The following XKR9 variants were observed in gnomAD, a reference collection of about 807,000 sequenced individuals.
The protein encoded by XKR9 is XK-related protein 9.
In XKR9, 32 loss-of-function variants were observed where a neutral mutation model predicts 32.0. The ratio of observed to expected loss-of-function variants is 1.00; its 90% confidence interval spans 0.76 to 1.34. The LOEUF (loss-of-function observed/expected upper bound fraction) is 1.34, where lower values mean the gene tolerates loss of function less well. XKR9 is among the 40% of genes most tolerant of loss of function. XKR9 has a pLI of 0.00. For missense variants in XKR9, 546 were observed against 429.7 expected (o/e 1.27, Z -2.39); for synonymous variants, 168 against 143.4 (o/e 1.17, Z -1.22).
At chr8:70,970,848 G>A in the XKR9 span, among the ~76,000 whole-genome samples, 4 of 152,074 alleles carry the variant, frequency 2.6e-5, no homozygotes, top group Admixed American at 6.6e-5. Context: ...GCTTTTACAC[G>A]GTTGGTAGGA....
chr8:70,848,611 T>A, the XKR9 span, among the ~76,000 whole-genome samples: 5 of 152,002 alleles, frequency 3.3e-5, no homozygotes, highest in African/African-American at 1.2e-4. Context: ...AAAATTGTCA[T>A]GCAAAAATTG....
At chr8:70,781,846 G>T (rs1807621484) in intron 2 of XKR9, among the ~76,000 whole-genome samples, 1 of 152,158 alleles carries the variant, frequency 6.6e-6, no homozygotes, top group South Asian at 2.1e-4. Flanking sequence ...AGAAAGATTA[G>T]TTCCATAAAA....
chr8:70,993,150 G>A, the XKR9 span, among the ~76,000 whole-genome samples: 526 of 151,266 alleles, frequency 3.5e-3, 4 homozygotes, highest in African/African-American at 0.012. Flanking sequence ...GTAAATCCTG[G>A]TGTCTGTTTA....
intron 4 of XKR9, among the ~76,000 whole-genome samples, chr8:70,713,062 T>A (rs528481680): frequency 6.6e-6 from 1 of 152,224 alleles, no homozygotes; most frequent in East Asian, 1.9e-4. Context: ...AAAGATGAAC[T>A]TGAAAATATG....
At chr8:70,924,931 A>AAAAGAAAC in the XKR9 span, among the ~76,000 whole-genome samples, 1 of 152,218 alleles carries the variant, frequency 6.6e-6, no homozygotes, top group East Asian at 1.9e-4. Flanking sequence ...GAGCTGGGAT[A>AAAAGAAAC]TGGGCTCTCC....
chr8:70,984,608 C>T, the XKR9 span, among the ~76,000 whole-genome samples: 1 of 151,906 alleles, frequency 6.6e-6, no homozygotes, highest in African/African-American at 2.4e-5. Context: ...TTTAAATGGG[C>T]AAAGGGAAAA....
chr8:70,681,683 A>C (rs1187972026), intron 3 of XKR9, among the ~76,000 whole-genome samples: 2 of 152,078 alleles, frequency 1.3e-5, no homozygotes, highest in African/African-American at 4.8e-5. Flanking sequence ...GAGAGTACTC[A>C]CTTTTTTGAT....
the XKR9 span, among the ~76,000 whole-genome samples, chr8:70,856,056 G>T: frequency 4.6e-5 from 7 of 152,192 alleles, no homozygotes; most frequent in Admixed American, 4.6e-4. Flanking sequence ...AGGCTAGGAA[G>T]AAACTGCATC....
intron 4 of XKR9, among the ~76,000 whole-genome samples, chr8:70,725,888 A>G (rs1037789838): frequency 1.3e-5 from 2 of 152,210 alleles, no homozygotes; most frequent in African/African-American, 4.8e-5. Flanking sequence ...CCTGGATGAC[A>G]CAGTGAGACT....
the XKR9 span, among the ~76,000 whole-genome samples, chr8:70,995,615 T>A: frequency 6.6e-6 from 1 of 152,186 alleles, no homozygotes; most frequent in Admixed American, 6.5e-5. Flanking sequence ...TCCATTGATA[T>A]GTTGTTATGG....
intron 2 of XKR9, among the ~76,000 whole-genome samples, chr8:70,752,732 C>A (rs1011043590): frequency 3.9e-5 from 6 of 152,162 alleles, no homozygotes; most frequent in Admixed American, 3.9e-4. Context: ...AACAAAGACA[C>A]AACATACCAG....
At chr8:70,973,759 T>C in the XKR9 span, among the ~76,000 whole-genome samples, 1 of 152,200 alleles carries the variant, frequency 6.6e-6, no homozygotes, top group Non-Finnish European at 1.5e-5. Flanking sequence ...TTTCCATGTA[T>C]TTGTATAGTT....
At chr8:71,036,125 TATATGAA>T in the XKR9 span, among the ~76,000 whole-genome samples, 1 of 152,212 alleles carries the variant, frequency 6.6e-6, no homozygotes, top group Admixed American at 6.5e-5. Context: ...CATGTAAACT[TATATGAA>T]ATACATTTAT....
the XKR9 span, among the ~76,000 whole-genome samples, chr8:70,805,303 C>G: frequency 6.6e-6 from 1 of 152,210 alleles, no homozygotes; most frequent in Non-Finnish European, 1.5e-5. Context: ...CTCGTGTACC[C>G]ACGCCACTGG....
the XKR9 span, among the ~76,000 whole-genome samples, chr8:70,795,801 C>T: frequency 1.7e-4 from 26 of 151,844 alleles, no homozygotes; most frequent in African/African-American, 6.3e-4. Flanking sequence ...ACTGTCTGTT[C>T]ATGCCCTTTG....
At chr8:70,765,618 C>G (rs1332583172) in intron 2 of XKR9, among the ~76,000 whole-genome samples, 1 of 152,168 alleles carries the variant, frequency 6.6e-6, no homozygotes, top group Non-Finnish European at 1.5e-5. Flanking sequence ...AATTACATCC[C>G]ATTTTTCAAT....
At chr8:70,726,547 A>G (rs1806476157) in intron 4 of XKR9, among the ~76,000 whole-genome samples, 1 of 152,232 alleles carries the variant, frequency 6.6e-6, no homozygotes, top group Non-Finnish European at 1.5e-5. Context: ...AACAAATGGT[A>G]TTAAGATCCT....
At chr8:70,902,809 A>G in the XKR9 span, among the ~76,000 whole-genome samples, 8 of 152,116 alleles carry the variant, frequency 5.3e-5, no homozygotes, top group Admixed American at 5.2e-4. Flanking sequence ...TCTCATCAGT[A>G]CCTTGTTTAT....
chr8:70,944,438 A>C, the XKR9 span, among the ~76,000 whole-genome samples: 1 of 152,244 alleles, frequency 6.6e-6, no homozygotes, highest in Non-Finnish European at 1.5e-5. Context: ...TAAAGTTATG[A>C]GGGGAAAAAT....
Sources: gnomAD v4.1 joint callset for allele counts (sites outside exome capture counted in the v4.1 genomes callset) on GRCh38, gnomAD v4.1.1 for gene constraint, MANE v1.5 for transcripts, NCBI Gene and HGNC (gene_info 2026-07-23, HGNC 2026-07-21) for gene names.